The following HEATR4 variants were observed in gnomAD, a reference collection of about 807,000 sequenced individuals.
HEATR4 encodes HEAT repeat-containing protein 4.
A neutral mutation model predicts 108.8 loss-of-function variants in HEATR4; 95 were observed. That is an observed-to-expected ratio of 0.87 (90% CI 0.74 to 1.04). The LOEUF (loss-of-function observed/expected upper bound fraction) is 1.04. HEATR4 is among the 50% of genes least tolerant of loss of function. The pLI is 0.00. For missense variants in HEATR4, 1,152 were observed against 1,253.8 expected (o/e 0.92, Z 1.23); for synonymous variants, 443 against 459.4 (o/e 0.96, Z 0.46).
chr14:73,558,212 A>C (rs1889431856), intron 1 of HEATR4, among the ~76,000 whole-genome samples: 1 of 134,684 alleles, frequency 7.4e-6, no homozygotes, highest in Admixed American at 7.7e-5. Context: ...GCTTGTTTCA[A>C]GTCCCCCTTT....
chr14:73,614,441 A>G, the HEATR4 span, among the ~76,000 whole-genome samples: 3 of 152,054 alleles, frequency 2.0e-5, no homozygotes, highest in Non-Finnish European at 4.4e-5. Context: ...TAGGAGCTCA[A>G]TAAATCATAC....
At position 73,492,341 on chromosome 14, in the gene HEATR4, G is replaced by A; in HGVS notation, c.2844+725C>T. ...GGCCATACTGCCTCTGGCAGTGCAG[G>A]CTGCAATGGAAGAAAATGTGGAGTT... is the stretch of plus-strand genomic sequence containing the variant. On this transcript the variant is annotated intron_variant, in intron 17 of 17. Coordinates refer to ENST00000553558, the MANE Select transcript of HEATR4 (RefSeq NM_001220484.1). The surrounding 1 kb of genome is among the most constrained non-coding windows in gnomAD (Gnocchi z 4.9). 6.2e-7 allele frequency: 1 copy of A among 1,613,954 alleles called. No homozygotes were observed.
the HEATR4 span, chr14:73,583,023 G>A: frequency 6.6e-6 from 1 of 152,056 alleles, no homozygotes; most frequent in African/African-American, 2.4e-5. Context: ...CTTCTCTGAA[G>A]GACCCCACAG....
chr14:73,565,311 A>C, the HEATR4 span, among the ~76,000 whole-genome samples: 1 of 151,970 alleles, frequency 6.6e-6, no homozygotes, highest in South Asian at 2.1e-4. Flanking sequence ...TGTGAGAGAC[A>C]GTTAAAGCAT....
intron 11 of HEATR4, 94 bp from the exon 12 acceptor site, chr14:73,500,824 C>G: frequency 8.5e-7 from 1 of 1,171,380 alleles, no homozygotes; most frequent in Admixed American, 2.2e-5. Flanking sequence ...AATCCGGGTT[C>G]TGTAGGCTGT....
chr14:73,483,640 G>GT (rs550817393), intron 17 of HEATR4, among the ~76,000 whole-genome samples: 9 of 150,564 alleles, frequency 6.0e-5, no homozygotes, highest in South Asian at 2.1e-4. Context: ...AAATGTGAGC[G>GT]TTTTTTTTTA....
intron 7 of HEATR4, 32 bp from the exon 8 acceptor site, chr14:73,509,505 T>G: frequency 6.2e-7 from 1 of 1,608,468 alleles, no homozygotes; most frequent in Non-Finnish European, 8.5e-7. Flanking sequence ...AAGAGAGTAC[T>G]AGCCCCTTTG....
At chr14:73,587,212 T>C in the HEATR4 span, among the ~76,000 whole-genome samples, 12 of 152,078 alleles carry the variant, frequency 7.9e-5, no homozygotes, top group African/African-American at 2.2e-4. Context: ...ATTTTTTCTC[T>C]GCATTAGCTT....
At chr14:73,596,660 A>C in the HEATR4 span, among the ~76,000 whole-genome samples, 1 of 151,692 alleles carries the variant, frequency 6.6e-6, no homozygotes, top group African/African-American at 2.4e-5. Flanking sequence ...GTGCAGTGGC[A>C]TGATCTCAGC....
intron 10 of HEATR4, among the ~76,000 whole-genome samples, chr14:73,505,380 GT>G (rs1316475105): frequency 6.6e-6 from 1 of 151,554 alleles, no homozygotes; most frequent in African/African-American, 2.4e-5. Context: ...TGGGACAATG[GT>G]TTTTTTGTTT....
At chr14:73,592,539 C>T in the HEATR4 span, 19 of 1,187,936 alleles carry the variant, frequency 1.6e-5, no homozygotes, top group Non-Finnish European at 1.9e-5. Context: ...TTGACTATGT[C>T]AGTGGCCACT....
chr14:73,589,953 C>T, the HEATR4 span, among the ~76,000 whole-genome samples: 5 of 152,082 alleles, frequency 3.3e-5, no homozygotes, highest in Admixed American at 2.0e-4. Context: ...CTGGTGAGTT[C>T]GTGGTCTGGT....
At chr14:73,583,695 G>A in the HEATR4 span, among the ~76,000 whole-genome samples, 6 of 151,908 alleles carry the variant, frequency 3.9e-5, no homozygotes, top group African/African-American at 1.4e-4. Flanking sequence ...TCCTGGGCAC[G>A]TGCATTAAGA....
chr14:73,479,647 A>C (rs1374642189), intron 17 of HEATR4, among the ~76,000 whole-genome samples: 1 of 150,538 alleles, frequency 6.6e-6, no homozygotes, highest in Non-Finnish European at 1.5e-5. Context: ...CATGTTGGCC[A>C]GGCTGGTCTC....
the HEATR4 span, chr14:73,591,829 TG>T: frequency 1.1e-6 from 1 of 887,284 alleles, no homozygotes. Flanking sequence ...AGGGGCTTTC[TG>T]GGACTGCTCA....
rs1258607735 is a variant in HEATR4 at position 73,493,119 on chromosome 14, T to G, written c.2791A>C (p.Met931Leu). 2 of 1,612,356 alleles carry G rather than the reference T, an allele frequency of 1.2e-6. No individual in the cohort carries two copies. The highest frequency in any genetic ancestry group is 1.7e-6 in the Non-Finnish European group (2 of 1,179,624). Reference protein sequence around the residue: ...TLLQETFQDEMVLPRRPSEVC... With the variant: ...TLLQETFQDELVLPRRPSEVC... Reference sequence around the variant, plus strand: ...TCGGAAGGTCTTCTAGGAAGAACCATCTCATCTAGGTACAAAAGGAAAAGG... The same window carrying G: ...TCGGAAGGTCTTCTAGGAAGAACCAGCTCATCTAGGTACAAAAGGAAAAGG... The change falls in exon 17 of 18, where the codon ATG becomes CTG. Residue 931 changes from methionine (M) to leucine (L), a missense_variant. Coordinates refer to ENST00000553558, the MANE Select transcript of HEATR4 (RefSeq NM_001220484.1).
Position 73,554,729 on chromosome 14 carries a change from AT to A in HEATR4, c.-152+4021del, listed in dbSNP as rs1296662853. 1.7e-5 allele frequency among the ~76,000 whole-genome samples: 2 copies of A among 115,284 alleles called. 1 individual carries two copies. Among genetic ancestry groups the A allele is most frequent in the African/African-American group, 5.6e-5 (2 of 35,740 alleles). 75.6% of individuals were successfully genotyped at this position (115,284 alleles called of 152,430 possible). A position where few individuals can be genotyped will look rare whatever the true frequency, so the allele number is the denominator to read the frequency against. On this transcript the variant is annotated intron_variant, in intron 1 of 17. Transcript: ENST00000553558. The stretch of plus-strand genomic sequence containing the variant: ...CTGCTACTTTTAAAATGAATAATTG[AT>A]TTCTTGATAGGTGTTTGATATTTCT...
the HEATR4 span, among the ~76,000 whole-genome samples, chr14:73,606,580 G>A: frequency 2.6e-5 from 4 of 152,174 alleles, no homozygotes; most frequent in Non-Finnish European, 5.9e-5. Context: ...CTAGGAAGCA[G>A]GCAAGGTGAA....
chr14:73,588,536 C>G, the HEATR4 span, among the ~76,000 whole-genome samples: 2 of 152,258 alleles, frequency 1.3e-5, no homozygotes, highest in Admixed American at 1.3e-4. Context: ...TTGGTTTAAG[C>G]CAACTTCAAC....
Sources: gnomAD v4.1 joint callset for allele counts (sites outside exome capture counted in the v4.1 genomes callset) on GRCh38, gnomAD v4.1.1 for gene constraint, Gnocchi (gnomAD v3.1) non-coding constraint, MANE v1.5 for transcripts, NCBI Gene and HGNC (gene_info 2026-07-23, HGNC 2026-07-21) for gene names.